Variants in PCSK5 observed in about 807,000 individuals in gnomAD.
PCSK5 encodes proprotein convertase subtilisin/kexin type 5, also known as prohormone convertase 5.
A neutral mutation model predicts 233.2 loss-of-function variants in PCSK5; 129 were observed. The ratio of observed to expected loss-of-function variants is 0.55; its 90% CI spans 0.48 to 0.64. The LOEUF (loss-of-function observed/expected upper bound fraction) is 0.64, where lower values mean the gene tolerates loss of function less well. Among genes scored for constraint, PCSK5 ranks in the 30% least tolerant of loss-of-function variants. PCSK5 has a pLI of 0.00. For synonymous variants in PCSK5, 825 were observed against 879.2 expected (o/e 0.94, Z 1.09); for missense variants, 2,076 against 2,430.1 (o/e 0.85, Z 3.06).
intron 13 of PCSK5, among the ~76,000 whole-genome samples, chr9:76,170,877 A>G (rs974374269): frequency 3.3e-5 from 5 of 152,218 alleles, no homozygotes; most frequent in Non-Finnish European, 4.4e-5. Flanking sequence ...AAAGTTACTC[A>G]TTCTGAGAGA....
Position 76,350,911 on chromosome 9 carries a change from G to C in PCSK5, c.5050G>C (p.Glu1684Gln), listed in dbSNP as rs1263849054. Reference protein sequence around the residue: ...GICTSDCLVGEYRVGEGEKFN... With the variant: ...GICTSDCLVGQYRVGEGEKFN... Reference sequence around the variant, plus strand: ...CTGCACCTCGGACTGTCTTGTGGGGGAATACAGAGTGGGAGAGGTATGGAG... The same window carrying C: ...CTGCACCTCGGACTGTCTTGTGGGGCAATACAGAGTGGGAGAGGTATGGAG... The change falls in exon 36 of 38, where the codon GAA (glutamate) becomes CAA (glutamine). Residue 1684 changes from glutamate to glutamine, a missense_variant. Coordinates refer to ENST00000674117, the MANE Select transcript of PCSK5 (RefSeq NM_001372043.1). 1 of 1,598,586 alleles carries C rather than the reference G, an allele frequency of 6.3e-7. No homozygotes were observed. The highest frequency in any genetic ancestry group is 2.2e-5 in the East Asian group (1 of 44,750).
intron 3 of PCSK5, among the ~76,000 whole-genome samples, chr9:75,998,313 G>C (rs1827110878): frequency 6.6e-6 from 1 of 152,154 alleles, no homozygotes; most frequent in East Asian, 1.9e-4. Flanking sequence ...CTGTGTCCCA[G>C]GCCCTTCCAC....
Position 76,096,093 on chromosome 9 carries a change from T to C in PCSK5, c.1098T>C (p.Asp366=), listed in dbSNP as rs1476716388. 1 of 1,612,562 alleles carries C rather than the reference T, an allele frequency of 6.2e-7. No individual in the cohort carries two copies. Among genetic ancestry groups the C allele is most frequent in the Non-Finnish European group, 8.5e-7 (1 of 1,178,978 alleles). The change falls in exon 8 of 38, where the codon GAT becomes GAC. Residue 366 remains aspartate, a synonymous_variant. Coordinates refer to ENST00000674117, the MANE Select transcript of PCSK5 (RefSeq NM_001372043.1). ...ATTYSSGESY[D]KKIITTDLRQ... is the part of the protein sequence containing the mutation. ...CCTACAGCAGCGGGGAGTCCTACGA[T>C]AAGAAAATCGTACGTGACATGTGCA...
chr9:75,932,558 C>A, intron 2 of PCSK5, 75 bp downstream of exon 2: 1 of 855,456 alleles, frequency 1.2e-6, no homozygotes, highest in Non-Finnish European at 2.0e-6. Flanking sequence ...ACACTAGGGG[C>A]TGAGGACCAG....
intron 10 of PCSK5, 88 bp from the exon 11 acceptor site, chr9:76,156,957 T>C (rs1822611995): frequency 1.1e-5 from 9 of 815,446 alleles, no homozygotes; most frequent in Non-Finnish European, 1.9e-5. Flanking sequence ...TAGGATCCCA[T>C]AGGGTGGTGT....
chr9:76,093,268 AAT>A (rs1491302331), intron 7 of PCSK5, among the ~76,000 whole-genome samples: 1 of 150,888 alleles, frequency 6.6e-6, no homozygotes, highest in East Asian at 1.9e-4. Context: ...ATTTCTTTTT[AAT>A]TTTTTGTAAA....
At chr9:76,244,079 A>G (rs1214166075) in intron 24 of PCSK5, among the ~76,000 whole-genome samples, 1 of 152,152 alleles carries the variant, frequency 6.6e-6, no homozygotes, top group East Asian at 1.9e-4. Flanking sequence ...ACAGAAAACT[A>G]GCCAAGTGTG....
chr9:76,141,057 T>TATTA (rs1389782324), intron 10 of PCSK5, among the ~76,000 whole-genome samples: 3 of 152,162 alleles, frequency 2.0e-5, no homozygotes, highest in Non-Finnish European at 4.4e-5. Flanking sequence ...CAACTCTTAA[T>TATTA]ATTTTGTGGT....
In PCSK5 at chr9:76,328,372, T is replaced by C. The variant is rs1829432944; in HGVS notation, c.4570+133T>C. 4 of 674,388 alleles carry C rather than the reference T, an allele frequency of 5.9e-6. No individual in the cohort carries two copies. The Admixed American group carries it at 1.0e-4, about 17-fold the overall frequency. 41.8% of individuals were successfully genotyped at this position (674,388 alleles called of 1,614,324 possible). A position where few individuals can be genotyped will look rare whatever the true frequency, so the allele number is the denominator to read the frequency against. On this transcript the variant is annotated intron_variant, in intron 33 of 37. Coordinates refer to ENST00000674117, the MANE Select transcript of PCSK5 (RefSeq NM_001372043.1). The stretch of plus-strand genomic sequence containing the variant: ...TTTGTGTTTGGGAAATGTTCAAACC[T>C]GCAGAAAAGATGCAAGAGTAAGAAC...
intron 20 of PCSK5, among the ~76,000 whole-genome samples, chr9:76,202,994 C>G (rs1208446141): frequency 6.6e-6 from 1 of 152,058 alleles, no homozygotes; most frequent in African/African-American, 2.4e-5. Flanking sequence ...AAAAATTGAG[C>G]AAATGACAGG....
chr9:75,951,881 A>T (rs1046873167), intron 2 of PCSK5, among the ~76,000 whole-genome samples: 1 of 152,200 alleles, frequency 6.6e-6, no homozygotes, highest in African/African-American at 2.4e-5. Flanking sequence ...ATACTCCTCC[A>T]TCGCAGTTGT....
intron 5 of PCSK5, among the ~76,000 whole-genome samples, chr9:76,064,617 G>A (rs1223229287): frequency 6.8e-6 from 1 of 147,378 alleles, no homozygotes; most frequent in African/African-American, 2.5e-5. Context: ...TCTCAGACGG[G>A]GCAGCTGCCA....
At chr9:76,287,331 GTCAC>G (rs1430465311) in intron 24 of PCSK5, 1 of 220,910 alleles carries the variant, frequency 4.5e-6, no homozygotes, top group Admixed American at 4.4e-5. Flanking sequence ...TGTCTAGCAT[GTCAC>G]TGGTGGATGT....
chr9:76,251,776 T>C (rs1482202724), intron 24 of PCSK5, among the ~76,000 whole-genome samples: 1 of 151,990 alleles, frequency 6.6e-6, no homozygotes, highest in African/African-American at 2.4e-5. Flanking sequence ...ATTGTTCTCA[T>C]TTTTCAGCTG....
intron 32 of PCSK5, among the ~76,000 whole-genome samples, chr9:76,325,003 G>A (rs981031940): frequency 3.9e-5 from 6 of 152,104 alleles, no homozygotes; most frequent in Admixed American, 2.0e-4. Context: ...GATGTGTCTC[G>A]GTCCTGAAGG....
At chr9:76,155,725 T>C (rs1041158900) in intron 10 of PCSK5, among the ~76,000 whole-genome samples, 1 of 152,204 alleles carries the variant, frequency 6.6e-6, no homozygotes, top group African/African-American at 2.4e-5. Context: ...AGTTCACTGG[T>C]CACAGATAGT....
chr9:76,223,741 C>T (rs1369789440), intron 20 of PCSK5, among the ~76,000 whole-genome samples: 2 of 152,154 alleles, frequency 1.3e-5, no homozygotes, highest in African/African-American at 2.4e-5. Flanking sequence ...AAAATACTGG[C>T]TCCTGAAGGC....
intron 4 of PCSK5, among the ~76,000 whole-genome samples, chr9:76,024,345 G>T (rs992173641): frequency 5.9e-5 from 9 of 152,142 alleles, no homozygotes; most frequent in African/African-American, 2.2e-4. Context: ...TTCTTAAGAA[G>T]AAACCACAAA....
chr9:76,094,235 T>C (rs1401710757), intron 7 of PCSK5, among the ~76,000 whole-genome samples: 4 of 152,176 alleles, frequency 2.6e-5, no homozygotes, highest in African/African-American at 9.7e-5. Flanking sequence ...CTCCAGACTT[T>C]GTTGTCTCTT....
Sources: gnomAD v4.1 joint callset for allele counts (sites outside exome capture counted in the v4.1 genomes callset) on GRCh38, gnomAD v4.1.1 for gene constraint, MANE v1.5 for transcripts, NCBI Gene and HGNC (gene_info 2026-07-23, HGNC 2026-07-21) for gene names.